IFT88: variants seen among roughly 807,000 people sequenced by gnomAD.
IFT88 encodes intraflagellar transport protein 88 homolog.
A neutral mutation model predicts 119.5 loss-of-function variants in IFT88; 74 were observed. That is an observed-to-expected ratio of 0.62 (90% CI 0.51 to 0.75). The LOEUF is 0.75. IFT88 is among the 30% of genes least tolerant of loss of function. The pLI is 0.00. For missense variants in IFT88, 961 were observed against 977.7 expected (o/e 0.98, Z 0.23); for synonymous variants, 279 against 316.7 (o/e 0.88, Z 1.26).
Position 20,598,751 on chromosome 13 carries a change from C to G in IFT88, c.695C>G (p.Ala232Gly). The G allele has an allele frequency of 6.4e-7, 1 of 1,565,354 alleles. No individual in the cohort carries two copies. Among genetic ancestry groups the G allele is most frequent in the Non-Finnish European group, 8.8e-7 (1 of 1,137,412 alleles). ...GTCAAAAATAAGATGTTTAGCAATG[C>G]AGGTAAGTGTACATAATCAGTTTTT... Reference protein sequence around the residue: ...VIVKNKMFSNAGILKMNMGNI... With the variant: ...VIVKNKMFSNGGILKMNMGNI... The change falls in exon 10 of 26, where the codon GCA becomes GGA. Residue 232 changes from alanine (A) to glycine (G), a missense_variant and splice_region_variant. Coordinates refer to ENST00000351808, the MANE Select transcript of IFT88 (RefSeq NM_006531.5).
chr13:20,633,062 G>C (rs951663978), intron 16 of IFT88, among the ~76,000 whole-genome samples: 8 of 152,188 alleles, frequency 5.3e-5, no homozygotes, highest in African/African-American at 1.9e-4. Flanking sequence ...TGCATGTCTA[G>C]AGGAGGGTGC....
intron 13 of IFT88, among the ~76,000 whole-genome samples, chr13:20,609,786 CAAAG>C (rs1273028102): frequency 1.3e-5 from 2 of 151,966 alleles, no homozygotes; most frequent in Non-Finnish European, 1.5e-5. Context: ...AAACAAAAAA[CAAAG>C]AACCAGTTTG....
chr13:20,632,946 T>TATC (rs2048422894), intron 16 of IFT88, among the ~76,000 whole-genome samples: 1 of 152,158 alleles, frequency 6.6e-6, no homozygotes, highest in African/African-American at 2.4e-5. Context: ...AGTGGAAAGG[T>TATC]ATCATATCCC....
At chr13:20,568,061 G>A (rs577871937) in intron 1 of IFT88, 22 of 708,202 alleles carry the variant, frequency 3.1e-5, no homozygotes, top group Middle Eastern at 2.4e-4. Flanking sequence ...GAAAGTTTAC[G>A]AATTTGTGTT....
At chr13:20,646,048 TCTTC>T (rs1485220975) in intron 20 of IFT88, among the ~76,000 whole-genome samples, 1 of 152,190 alleles carries the variant, frequency 6.6e-6, no homozygotes, top group African/African-American at 2.4e-5. Context: ...CATGCAACAC[TCTTC>T]CTTCTTTGAG....
At chr13:20,671,071 G>C (rs1470511641) in intron 24 of IFT88, 32 bp downstream of exon 24, 1 of 1,581,816 alleles carries the variant, frequency 6.3e-7, no homozygotes, top group South Asian at 1.1e-5. Context: ...GAAAAACTTG[G>C]TTTCCACATT....
intron 1 of IFT88, among the ~76,000 whole-genome samples, chr13:20,570,755 T>A (rs1031559259): frequency 6.6e-6 from 1 of 152,188 alleles, no homozygotes; most frequent in Non-Finnish European, 1.5e-5. Flanking sequence ...TATGGGATGA[T>A]GAAAGTGTTC....
At chr13:20,625,187 C>A (rs1206366116) in intron 14 of IFT88, among the ~76,000 whole-genome samples, 1 of 152,166 alleles carries the variant, frequency 6.6e-6, no homozygotes, top group Non-Finnish European at 1.5e-5. Context: ...AGTTGACACT[C>A]ATTTTCTACC....
At chr13:20,651,458 C>G (rs953486443) in intron 20 of IFT88, among the ~76,000 whole-genome samples, 2 of 146,798 alleles carry the variant, frequency 1.4e-5, no homozygotes, top group Non-Finnish European at 3.0e-5. Context: ...TCTGTTTGAG[C>G]CTCAGCTTTC....
intron 24 of IFT88, among the ~76,000 whole-genome samples, chr13:20,686,454 A>G (rs1441991818): frequency 3.9e-5 from 6 of 152,248 alleles, no homozygotes; most frequent in Non-Finnish European, 2.9e-5. Flanking sequence ...CAGTGGCTGC[A>G]TCTCCTTTTG....
At chr13:20,607,298 T>C (rs2043655674) in intron 13 of IFT88, 1 of 449,510 alleles carries the variant, frequency 2.2e-6, no homozygotes, top group Non-Finnish European at 4.5e-6. Context: ...GCCACTCACC[T>C]TCGGCAAGTA....
chr13:20,661,734 T>TAA (rs10544629), intron 22 of IFT88, among the ~76,000 whole-genome samples: 8 of 143,780 alleles, frequency 5.6e-5, no homozygotes, highest in African/African-American at 1.5e-4. Flanking sequence ...GACTCCATCT[T>TAA]AAAAAAAAAA....
Position 20,690,786 on chromosome 13 carries a change from CT to C in IFT88, c.2326del (p.Tyr776MetfsTer9), listed in dbSNP as rs1566505834. The C allele has an allele frequency of 6.2e-7, 1 of 1,613,162 alleles. No homozygotes were observed. The highest frequency in any genetic ancestry group is 1.3e-5 in the African/African-American group (1 of 74,898). On this transcript the variant is annotated frameshift_variant, in exon 25 of 26. Coordinates refer to ENST00000351808, the MANE Select transcript of IFT88 (RefSeq NM_006531.5). LOFTEE classifies it high-confidence loss of function. ...AGAGCTTTACCTGGGACAAATGAAC[CT>C]TATGAAAGTAGCAGTAACAAAGAAA... is the stretch of plus-strand genomic sequence containing the variant. The part of the protein sequence containing the change: ...RLRALPGTNE[P>X]YESSSNKEID...
chr13:20,686,146 C>T (rs1304989019), intron 24 of IFT88, among the ~76,000 whole-genome samples: 1 of 152,146 alleles, frequency 6.6e-6, no homozygotes, highest in Non-Finnish European at 1.5e-5. Flanking sequence ...GATGCTGTTG[C>T]CATTGGGAGC....
At chr13:20,643,019 CAA>C (rs35694201) in intron 18 of IFT88, 30,026 of 129,048 alleles carry the variant, frequency 0.23, 3,238 homozygotes, top group African/African-American at 0.34. Context: ...AAGGAAGCTA[CAA>C]AAAAAAAAAA....
At chr13:20,594,159 T>G (rs2041225419) in intron 7 of IFT88, among the ~76,000 whole-genome samples, 1 of 152,164 alleles carries the variant, frequency 6.6e-6, no homozygotes, top group Non-Finnish European at 1.5e-5. Flanking sequence ...GATGGTTAAT[T>G]TAACTGCTCA....
chr13:20,618,477 G>T (rs777051185), intron 14 of IFT88, among the ~76,000 whole-genome samples: 5 of 152,178 alleles, frequency 3.3e-5, no homozygotes, highest in Non-Finnish European at 7.3e-5. Flanking sequence ...CACACAGGCT[G>T]CGTGGTAGAC....
At chr13:20,605,879 A>C (rs2043351058) in intron 13 of IFT88, among the ~76,000 whole-genome samples, 1 of 152,220 alleles carries the variant, frequency 6.6e-6, no homozygotes, top group Admixed American at 6.5e-5. Context: ...GAAGAGCTGC[A>C]TAGGGCAGAA....
intron 24 of IFT88, among the ~76,000 whole-genome samples, chr13:20,672,809 C>T (rs1390814274): frequency 6.6e-6 from 1 of 152,110 alleles, no homozygotes; most frequent in Non-Finnish European, 1.5e-5. Flanking sequence ...GTTCTATACC[C>T]AAGAAGTTTA....
Sources: allele counts gnomAD v4.1 joint callset (sites outside exome capture counted in the v4.1 genomes callset), GRCh38; gene constraint gnomAD v4.1.1; transcripts MANE v1.5; gene names NCBI Gene and HGNC (gene_info 2026-07-23, HGNC 2026-07-21).